Variants in NEGR1 observed in about 807,000 individuals in gnomAD.
NEGR1 encodes IgLON family member 4.
Under a neutral mutation model 40.9 loss-of-function variants are expected in NEGR1, and 10 were observed. The observed-to-expected ratio is 0.24, with a 90% confidence interval of 0.15 to 0.42. The LOEUF is 0.42. Among genes scored for constraint, NEGR1 ranks in the 10% least tolerant of loss-of-function variants. The pLI, the probability that NEGR1 is intolerant of heterozygous loss-of-function variation, is 1.00. For missense variants in NEGR1, 352 were observed against 438.9 expected (o/e 0.80, Z 1.77); for synonymous variants, 185 against 166.8 (o/e 1.11, Z -0.84).
At chr1:71,808,142 C>A (rs189314915) in intron 2 of NEGR1, among the ~76,000 whole-genome samples, 2 of 152,166 alleles carry the variant, frequency 1.3e-5, no homozygotes, top group East Asian at 3.9e-4. Flanking sequence ...CCAGTAAGAT[C>A]ACCACCACCA....
chr1:71,817,329 GT>G (rs1658260457), intron 2 of NEGR1, among the ~76,000 whole-genome samples: 1 of 152,090 alleles, frequency 6.6e-6, no homozygotes, highest in African/African-American at 2.4e-5. Flanking sequence ...GTGCCTGCCA[GT>G]TCGCTGACAT....
intron 6 of NEGR1, among the ~76,000 whole-genome samples, chr1:71,528,486 T>C (rs980769966): frequency 1.3e-5 from 2 of 151,302 alleles, no homozygotes; most frequent in Non-Finnish European, 3.0e-5. Flanking sequence ...TCACAGGAAA[T>C]AGAAAATGGA....
At chr1:72,133,685 CTG>C (rs1317748461) in intron 1 of NEGR1, among the ~76,000 whole-genome samples, 1 of 151,284 alleles carries the variant, frequency 6.6e-6, no homozygotes, top group Admixed American at 6.6e-5. Flanking sequence ...TAGGTAAAAA[CTG>C]AAAATATTTT....
chr1:71,422,638 T>G (rs918786801), intron 6 of NEGR1: 1 of 152,148 alleles, frequency 6.6e-6, no homozygotes, highest in Admixed American at 6.5e-5. Context: ...GGAAAAGAAC[T>G]GAAGAAAGGC....
intron 1 of NEGR1, among the ~76,000 whole-genome samples, chr1:71,943,277 A>T (rs1645988821): frequency 6.7e-6 from 1 of 150,258 alleles, no homozygotes; most frequent in Non-Finnish European, 1.5e-5. Context: ...ATACACATAT[A>T]TACACATGTA....
chr1:71,616,218 G>T (rs1650441680), intron 4 of NEGR1, among the ~76,000 whole-genome samples: 1 of 152,198 alleles, frequency 6.6e-6, no homozygotes. Context: ...AGCTGGAGGT[G>T]AGTGGCAGGT....
At chr1:71,695,741 C>G (rs1388994221) in intron 4 of NEGR1, among the ~76,000 whole-genome samples, 3 of 151,932 alleles carry the variant, frequency 2.0e-5, no homozygotes, top group African/African-American at 7.2e-5. Flanking sequence ...AGCAGAGACA[C>G]TGACAGCTTT....
chr1:71,855,027 C>A (rs1248210611), intron 2 of NEGR1, among the ~76,000 whole-genome samples: 1 of 152,068 alleles, frequency 6.6e-6, no homozygotes, highest in Non-Finnish European at 1.5e-5. Context: ...TCTCTGAGTT[C>A]ACCTTTCTGT....
chr1:72,174,286 C>G lies in NEGR1; in HGVS notation c.176+108033G>C, dbSNP rs113311045. Among the ~76,000 whole-genome samples the G allele has an allele frequency of 2.9e-3, 442 of 152,218 alleles. 2 individuals are homozygous for G. Among genetic ancestry groups the G allele is most frequent in the African/African-American group, 0.01 (423 of 41,556 alleles). On this transcript the variant is annotated intron_variant, in intron 1 of 6. Transcript: ENST00000357731. ...CACAGTCTCTTTTACTATCAATATT[C>G]CCCACCAGAGTGGTGCATTTGCTAC...
intron 1 of NEGR1, among the ~76,000 whole-genome samples, chr1:72,040,774 AAAC>A (rs1487980882): frequency 2.6e-4 from 40 of 152,026 alleles, no homozygotes; most frequent in African/African-American, 7.9e-4. Flanking sequence ...ACATAAAAGA[AAAC>A]AACAATTGAA....
At chr1:71,688,403 T>TATAAAAGATATAAATAA (rs1557613864) in intron 4 of NEGR1, among the ~76,000 whole-genome samples, 1 of 30,148 alleles carries the variant, frequency 3.3e-5, no homozygotes, top group Non-Finnish European at 6.2e-5. Flanking sequence ...AATATATATA[T>TATAAAAGATATAAATAA]AAGATATATA....
chr1:71,493,440 T>C (rs1646942511), intron 6 of NEGR1, among the ~76,000 whole-genome samples: 1 of 152,192 alleles, frequency 6.6e-6, no homozygotes, highest in Admixed American at 6.5e-5. Flanking sequence ...TTGGTAAGTC[T>C]ACATCTTTCT....
At chr1:72,241,850 T>C (rs960687045) in intron 1 of NEGR1, among the ~76,000 whole-genome samples, 10 of 151,752 alleles carry the variant, frequency 6.6e-5, no homozygotes, top group African/African-American at 2.2e-4. Context: ...TTAATACTTG[T>C]ATATAACTGT....
At chr1:71,473,519 T>A (rs1284737977) in intron 6 of NEGR1, among the ~76,000 whole-genome samples, 2 of 152,088 alleles carry the variant, frequency 1.3e-5, no homozygotes, top group East Asian at 3.9e-4. Flanking sequence ...ATGGAGGCCA[T>A]CCAGGGAAAA....
chr1:71,585,336 T>C (rs1040452526), intron 6 of NEGR1, among the ~76,000 whole-genome samples: 1 of 152,134 alleles, frequency 6.6e-6, no homozygotes, highest in African/African-American at 2.4e-5. Context: ...CCCCTCATAT[T>C]ATAAATTGGT....
intron 1 of NEGR1, among the ~76,000 whole-genome samples, chr1:72,026,412 A>T (rs1646810444): frequency 6.7e-6 from 1 of 150,266 alleles, no homozygotes; most frequent in Non-Finnish European, 1.5e-5. Context: ...AGTCTCCCAC[A>T]CCTCACAAAA....
chr1:71,764,667 G>C (rs1330797926), intron 3 of NEGR1, among the ~76,000 whole-genome samples: 1 of 152,146 alleles, frequency 6.6e-6, no homozygotes, highest in Non-Finnish European at 1.5e-5. Context: ...GAGGAGTGTA[G>C]TGGCTGGCCA....
chr1:71,613,123 T>C (rs1348812786), intron 4 of NEGR1, among the ~76,000 whole-genome samples: 1 of 151,892 alleles, frequency 6.6e-6, no homozygotes, highest in Admixed American at 6.6e-5. Context: ...AGGGATAAAG[T>C]AGGGAATGCA....
chr1:71,502,687 G>A (rs923529684), intron 6 of NEGR1, among the ~76,000 whole-genome samples: 9 of 152,294 alleles, frequency 5.9e-5, no homozygotes, highest in African/African-American at 1.9e-4. Context: ...TCAGGAGGCA[G>A]CAGAGGCAAC....
Sources: gnomAD v4.1 joint callset for allele counts (sites outside exome capture counted in the v4.1 genomes callset) on GRCh38, gnomAD v4.1.1 for gene constraint, MANE v1.5 for transcripts, NCBI Gene and HGNC (gene_info 2026-07-23, HGNC 2026-07-21) for gene names.